SLC39A11: variants seen among roughly 807,000 people sequenced by gnomAD.
SLC39A11 encodes the protein solute carrier family 39 member 11.
Under a neutral mutation model 36.1 loss-of-function variants are expected in SLC39A11, and 33 were observed. That is an observed-to-expected ratio of 0.91 (90% confidence interval 0.69 to 1.22). The LOEUF (loss-of-function observed/expected upper bound fraction) is 1.22. SLC39A11 is among the 50% of genes most tolerant of loss of function. SLC39A11 has a pLI of 0.00. For missense variants in SLC39A11, 432 were observed against 430.3 expected (o/e 1.00, Z -0.03); for synonymous variants, 166 against 170.3 (o/e 0.97, Z 0.20).
chr17:72,664,008 C>T (rs2070609334), intron 7 of SLC39A11: 1 of 156,190 alleles, frequency 6.4e-6, no homozygotes, highest in Non-Finnish European at 1.5e-5. Flanking sequence ...TGGTCGTCCT[C>T]TTCAACCAAG....
chr17:72,904,071 A>G (rs933571675), intron 5 of SLC39A11, among the ~76,000 whole-genome samples: 3 of 152,224 alleles, frequency 2.0e-5, no homozygotes, highest in Admixed American at 6.5e-5. Flanking sequence ...CTCCTTCCTC[A>G]GTAGTCATTA....
At chr17:72,709,919 T>C (rs1326724474) in intron 7 of SLC39A11, among the ~76,000 whole-genome samples, 1 of 152,242 alleles carries the variant, frequency 6.6e-6, no homozygotes, top group Non-Finnish European at 1.5e-5. Flanking sequence ...GGTTGATTTC[T>C]TTTGAGCTGC....
At chr17:72,721,645 T>C (rs80312136) in intron 7 of SLC39A11, among the ~76,000 whole-genome samples, 2,956 of 148,824 alleles carry the variant, frequency 0.02, 89 homozygotes, top group African/African-American at 0.073. Context: ...CTTGTCATGA[T>C]GATGCTCTGT....
chr17:72,722,034 GA>G (rs1901814143), intron 7 of SLC39A11, among the ~76,000 whole-genome samples: 1 of 149,978 alleles, frequency 6.7e-6, no homozygotes, highest in African/African-American at 2.5e-5. Flanking sequence ...TTTTCTCTCG[GA>G]TATTATTCTG....
At chr17:72,671,872 T>C (rs1461171258) in intron 7 of SLC39A11, among the ~76,000 whole-genome samples, 1 of 151,952 alleles carries the variant, frequency 6.6e-6, no homozygotes, top group East Asian at 1.9e-4. Flanking sequence ...GGCTGGGAAG[T>C]GAGGGAAATA....
intron 7 of SLC39A11, among the ~76,000 whole-genome samples, chr17:72,683,333 A>ATTTT (rs112326860): frequency 7.4e-6 from 1 of 134,612 alleles, no homozygotes; most frequent in African/African-American, 2.7e-5. Flanking sequence ...CTTGAGACTA[A>ATTTT]TTTTTTTTTT....
intron 3 of SLC39A11, among the ~76,000 whole-genome samples, chr17:73,071,971 C>T (rs1174694151): frequency 3.3e-5 from 5 of 152,112 alleles, no homozygotes; most frequent in African/African-American, 4.8e-5. Flanking sequence ...GCTAAACAAA[C>T]GAAAGAACGA....
Position 73,071,475 on chromosome 17 carries a change from G to A in SLC39A11, c.147+13333C>T, listed in dbSNP as rs574477084. Among the ~76,000 whole-genome samples, 5 of 152,312 alleles carry A rather than the reference G, an allele frequency of 3.3e-5. No individual in the cohort carries two copies. The South Asian group carries it at 8.3e-4, about 25-fold the overall frequency. On this transcript the variant is annotated intron_variant, in intron 3 of 9. Transcript: ENST00000255559. The stretch of plus-strand genomic sequence containing the variant: ...AATGAAGAGCAAGCCCTGTTTGGGA[G>A]GGTCCACCACAAAGTGGTGATGTGG...
intron 5 of SLC39A11, among the ~76,000 whole-genome samples, chr17:72,942,529 G>T (rs2085178583): frequency 1.3e-5 from 2 of 152,070 alleles, no homozygotes; most frequent in African/African-American, 4.8e-5. Flanking sequence ...TCTCCTAGGA[G>T]TTACACCTCA....
rs561089708 is a variant in SLC39A11 at position 72,966,821 on chromosome 17, A to G, written c.307-18946T>C. Among the ~76,000 whole-genome samples the G allele has an allele frequency of 3.3e-5, 5 of 152,246 alleles. No individual in the cohort carries two copies. The South Asian group carries it at 8.3e-4, about 25-fold the overall frequency. On this transcript the variant is annotated intron_variant, in intron 4 of 9. Transcript: ENST00000255559. ...CCTGACCTCGTGATCCGCCCGCCTCAGCCTCCCAAAGTGCTGGGATTACAG... is the reference window on the plus strand; with the variant it reads ...CCTGACCTCGTGATCCGCCCGCCTCGGCCTCCCAAAGTGCTGGGATTACAG...
chr17:72,730,318 A>C (rs1327971520), intron 7 of SLC39A11, among the ~76,000 whole-genome samples: 2 of 152,176 alleles, frequency 1.3e-5, no homozygotes, highest in Non-Finnish European at 2.9e-5. Flanking sequence ...CCTTTCCTTA[A>C]GTACTGACCT....
chr17:72,984,975 G>A (rs1423972671), intron 4 of SLC39A11, among the ~76,000 whole-genome samples: 2 of 152,198 alleles, frequency 1.3e-5, no homozygotes, highest in Non-Finnish European at 2.9e-5. Flanking sequence ...AATTTTCTCT[G>A]GTTAGGAACA....
intron 7 of SLC39A11, among the ~76,000 whole-genome samples, chr17:72,726,766 A>G (rs2073950117): frequency 6.6e-6 from 1 of 152,220 alleles, no homozygotes; most frequent in Non-Finnish European, 1.5e-5. Context: ...GCCAGGGGAA[A>G]GGATTTATCT....
At chr17:72,863,086 C>A (rs1012164218) in intron 5 of SLC39A11, among the ~76,000 whole-genome samples, 1 of 152,110 alleles carries the variant, frequency 6.6e-6, no homozygotes, top group African/African-American at 2.4e-5. Flanking sequence ...TAACTTAATT[C>A]AGAGGAGGAA....
chr17:72,722,694 G>C (rs151166114), intron 7 of SLC39A11, among the ~76,000 whole-genome samples: 1 of 151,836 alleles, frequency 6.6e-6, no homozygotes, highest in African/African-American at 2.4e-5. Flanking sequence ...GAGTACAATG[G>C]CACGATCTCA....
chr17:72,925,020 A>G (rs2083956670), intron 5 of SLC39A11, among the ~76,000 whole-genome samples: 1 of 151,396 alleles, frequency 6.6e-6, no homozygotes, highest in South Asian at 2.1e-4. Context: ...AAAAAAAAAA[A>G]AGCCATAGAG....
intron 7 of SLC39A11, among the ~76,000 whole-genome samples, chr17:72,717,036 TAAA>T (rs1381977745): frequency 2.3e-4 from 32 of 137,798 alleles, no homozygotes; most frequent in African/African-American, 8.7e-4. Context: ...TATACACATA[TAAA>T]ATATATATAC....
intron 5 of SLC39A11, among the ~76,000 whole-genome samples, chr17:72,890,754 G>A (rs898714665): frequency 3.3e-5 from 5 of 152,308 alleles, no homozygotes; most frequent in African/African-American, 4.8e-5. Context: ...GTAGAACTGT[G>A]AGTCTGGGTG....
In SLC39A11 at chr17:73,078,155, A is replaced by G. The variant is rs530857943; in HGVS notation, c.147+6653T>C. The stretch of plus-strand genomic sequence containing the variant: ...CGGGAGGCTGAGGCAGGAGAATGGC[A>G]TGAACCCGGGAGGCGGAGGTTGTAG... On this transcript the variant is annotated intron_variant, in intron 3 of 9. Transcript: ENST00000255559. 2.4e-4 allele frequency among the ~76,000 whole-genome samples: 37 copies of G among 151,500 alleles called. No homozygotes were observed. In the East Asian group the frequency reaches 4.9e-3, roughly 20 times the overall value.
Sources: allele counts gnomAD v4.1 joint callset (sites outside exome capture counted in the v4.1 genomes callset), GRCh38; gene constraint gnomAD v4.1.1; transcripts MANE v1.5; gene names NCBI Gene and HGNC (gene_info 2026-07-23, HGNC 2026-07-21).